GIGYF2: variants seen among roughly 807,000 people sequenced by gnomAD.
The protein encoded by GIGYF2 is GRB10 interacting GYF protein 2.
In GIGYF2, 25 loss-of-function variants were observed where a neutral mutation model predicts 208.1. That is an observed-to-expected ratio of 0.12 (90% confidence interval 0.09 to 0.17). The LOEUF is 0.17. Among genes scored for constraint, GIGYF2 ranks in the 10% least tolerant of loss-of-function variants. The pLI is 1.00. For synonymous variants in GIGYF2, 534 were observed against 543.8 expected, an observed-to-expected ratio of 0.98 and a Z score of 0.25; for missense variants, 1,302 against 1,579.4, an observed-to-expected ratio of 0.82 and a Z score of 2.98.
intron 1 of GIGYF2, among the ~76,000 whole-genome samples, chr2:232,699,956 A>AT (rs1286002707): frequency 1.3e-5 from 2 of 151,958 alleles, no homozygotes; most frequent in African/African-American, 2.4e-5. Flanking sequence ...TAATAGACAT[A>AT]TTTTTTTGCA....
chr2:232,805,016 G>A (rs1053813791), intron 14 of GIGYF2, among the ~76,000 whole-genome samples: 1 of 151,254 alleles, frequency 6.6e-6, no homozygotes, highest in African/African-American at 2.4e-5. Context: ...GTGATATTTG[G>A]TTATATGAGT....
chr2:232,805,740 GTTAT>G (rs1489312788), intron 14 of GIGYF2, among the ~76,000 whole-genome samples: 3 of 152,222 alleles, frequency 2.0e-5, no homozygotes, highest in East Asian at 3.9e-4. Context: ...ACCTTTCAGT[GTTAT>G]TTGTTTTATA....
intron 2 of GIGYF2, among the ~76,000 whole-genome samples, chr2:232,721,547 A>G (rs1047009637): frequency 6.6e-6 from 1 of 152,046 alleles, no homozygotes; most frequent in African/African-American, 2.4e-5. Flanking sequence ...GGCTCATTCT[A>G]TTCCTTTATT....
At chr2:232,817,623 A>G (rs1700953862) in intron 20 of GIGYF2, among the ~76,000 whole-genome samples, 1 of 152,202 alleles carries the variant, frequency 6.6e-6, no homozygotes, top group African/African-American at 2.4e-5. Context: ...TTCTTATGTA[A>G]GTAGAATTAT....
rs1335177310 is a variant in GIGYF2 at position 232,771,211 on chromosome 2, A to G, written c.532+9775A>G. On this transcript the variant is annotated intron_variant, in intron 8 of 28. Transcript: ENST00000373563. ...GACCAACATCATCCAACGCCAGCGC[A>G]TGTCCATTAGGATTCCCCAAGCATC... 3.7e-6 allele frequency: 6 copies of G among 1,612,986 alleles called. No individual in the cohort carries two copies. The highest frequency in any genetic ancestry group is 1.7e-5 in the Admixed American group (1 of 59,990).
chr2:232,841,670 T>A (rs1443521941), intron 23 of GIGYF2, among the ~76,000 whole-genome samples: 1 of 152,034 alleles, frequency 6.6e-6, no homozygotes, highest in East Asian at 1.9e-4. Context: ...CTGTACCCTT[T>A]ATAAGGGTGC....
chr2:232,854,510 G>GTA (rs926188601), intron 28 of GIGYF2, among the ~76,000 whole-genome samples: 35 of 151,706 alleles, frequency 2.3e-4, no homozygotes, highest in African/African-American at 6.5e-4. Context: ...ACATATATAT[G>GTA]TATATATATA....
chr2:232,698,892 T>A (rs548194044), intron 1 of GIGYF2, among the ~76,000 whole-genome samples: 3 of 152,316 alleles, frequency 2.0e-5, no homozygotes, highest in African/African-American at 7.2e-5. Context: ...AACCATGTGC[T>A]TCCATTCATT....
intron 22 of GIGYF2, among the ~76,000 whole-genome samples, chr2:232,835,234 T>C (rs2106411608): frequency 6.6e-6 from 1 of 152,306 alleles, no homozygotes; most frequent in South Asian, 2.1e-4. Context: ...CTTTATCCAA[T>C]CCTCTGTTGA....
At position 232,760,527 on chromosome 2, in the gene GIGYF2, G is replaced by T; in HGVS notation, c.427G>T (p.Val143Leu). 6.2e-7 allele frequency: 1 copy of T among 1,613,824 alleles called. No homozygotes were observed. Among genetic ancestry groups the T allele is most frequent in the Non-Finnish European group, 8.5e-7 (1 of 1,179,858 alleles). Residue 143 changes from valine (V) to leucine (L), a missense_variant, in exon 7 of 29, where the codon GTA (valine) becomes TTA (leucine). Coordinates refer to ENST00000373563, the MANE Select transcript of GIGYF2 (RefSeq NM_001103146.3). ...TTTCTACCAAAGAAGTTTTGATGAAGTAGAGGGTGTTTTTGGTCGAGGAGG... is the reference window on the plus strand; with the variant it reads ...TTTCTACCAAAGAAGTTTTGATGAATTAGAGGGTGTTTTTGGTCGAGGAGG... ...CGFYQRSFDE[V>L]EGVFGRGGGR...
intron 1 of GIGYF2, among the ~76,000 whole-genome samples, chr2:232,701,935 A>G (rs76263248): frequency 0.048 from 7,261 of 152,170 alleles, 228 homozygotes; most frequent in Non-Finnish European, 0.072. Context: ...TGGGAGGCTG[A>G]GGTAGGAGGA....
At chr2:232,746,413 A>G (rs1047838045) in intron 3 of GIGYF2, among the ~76,000 whole-genome samples, 7 of 152,118 alleles carry the variant, frequency 4.6e-5, no homozygotes, top group African/African-American at 1.4e-4. Context: ...TTTTGGGCAC[A>G]TATTTCAATG....
intron 17 of GIGYF2, 120 bp downstream of exon 17, chr2:232,811,471 T>C: frequency 1.4e-6 from 1 of 707,142 alleles, no homozygotes; most frequent in Non-Finnish European, 2.6e-6. Flanking sequence ...AACACATACC[T>C]GCATGTTGTA....
At chr2:232,718,765 A>G (rs1252542615) in intron 2 of GIGYF2, among the ~76,000 whole-genome samples, 1 of 152,168 alleles carries the variant, frequency 6.6e-6, no homozygotes, top group Non-Finnish European at 1.5e-5. Flanking sequence ...GGACAGAACT[A>G]CTGATTCGTT....
chr2:232,713,912 A>T (rs567035291), intron 2 of GIGYF2, among the ~76,000 whole-genome samples: 3 of 146,872 alleles, frequency 2.0e-5, no homozygotes, highest in South Asian at 4.4e-4. Context: ...GAAGTTAGTT[A>T]TTCCCCCTGG....
chr2:232,792,244 C>G (rs573361456), intron 12 of GIGYF2, among the ~76,000 whole-genome samples: 4 of 152,142 alleles, frequency 2.6e-5, no homozygotes, highest in Admixed American at 6.5e-5. Flanking sequence ...TCTTGAAACT[C>G]TCTTCCACCC....
intron 2 of GIGYF2, among the ~76,000 whole-genome samples, chr2:232,731,986 T>G (rs1435812125): frequency 6.6e-6 from 1 of 152,216 alleles, no homozygotes. Context: ...TAAAATAAAT[T>G]TGTTAAGATA....
At chr2:232,701,896 A>G (rs1695862833) in intron 1 of GIGYF2, among the ~76,000 whole-genome samples, 1 of 152,206 alleles carries the variant, frequency 6.6e-6, no homozygotes, top group African/African-American at 2.4e-5. Context: ...GGCTGGGTGC[A>G]GTAGTTTACA....
At position 232,860,315 on chromosome 2, in the gene GIGYF2, G is replaced by A. The variant is rs547245064; in HGVS notation, c.*3455G>A. ...CCCAGCTTGTTTTTTTTAAATTTTA[G>A]GATAGATAATGGTACTTCTGGCTTT... is the stretch of plus-strand genomic sequence containing the variant. On this transcript the variant is annotated 3_prime_UTR_variant, in exon 29 of 29. Transcript: ENST00000373563. 2.0e-4 allele frequency: 30 copies of A among 151,632 alleles called. No homozygotes were observed. The highest frequency in any genetic ancestry group is 5.1e-4 in the African/African-American group (21 of 41,390). 9.4% of individuals were successfully genotyped at this position (151,632 alleles called of 1,614,324 possible). A position where few individuals can be genotyped will look rare whatever the true frequency, so the allele number is the denominator to read the frequency against.
Sources: gnomAD v4.1 joint callset for allele counts (sites outside exome capture counted in the v4.1 genomes callset) on GRCh38, gnomAD v4.1.1 for gene constraint, MANE v1.5 for transcripts, NCBI Gene and HGNC (gene_info 2026-07-23, HGNC 2026-07-21) for gene names.